CORO7: variants seen among roughly 807,000 people sequenced by gnomAD.
CORO7 encodes coronin 7.
A neutral mutation model predicts 126.6 loss-of-function variants in CORO7; 107 were observed. The ratio of observed to expected loss-of-function variants is 0.85; its 90% CI spans 0.72 to 0.99. The LOEUF (loss-of-function observed/expected upper bound fraction) is 0.99. Ranked by LOEUF, CORO7 falls within the 50% of genes least tolerant of loss-of-function variation. The pLI is 0.00. For synonymous variants in CORO7, 603 were observed against 536.8 expected (o/e 1.12, Z -1.70); for missense variants, 1,314 against 1,255.8 (o/e 1.05, Z -0.70).
intron 5 of CORO7, among the ~76,000 whole-genome samples, chr16:4,406,852 G>A (rs961726093): frequency 6.6e-6 from 1 of 151,364 alleles, no homozygotes; most frequent in East Asian, 2.0e-4. Flanking sequence ...TGTTGGCCAG[G>A]CTAGTCTCGA....
At chr16:4,385,173 A>T (rs2055153028) in intron 9 of CORO7, among the ~76,000 whole-genome samples, 1 of 152,146 alleles carries the variant, frequency 6.6e-6, no homozygotes, top group Non-Finnish European at 1.5e-5. Context: ...AGCCCCCATC[A>T]CCAGGTGCTG....
At chr16:4,376,892 C>T (rs78182170) in intron 9 of CORO7, among the ~76,000 whole-genome samples, 1 of 152,328 alleles carries the variant, frequency 6.6e-6, no homozygotes, top group East Asian at 1.9e-4. Context: ...TGGCCTGAAA[C>T]CCTCTCCCTT....
intron 9 of CORO7, among the ~76,000 whole-genome samples, chr16:4,371,509 C>A (rs1330888940): frequency 1.3e-5 from 2 of 152,234 alleles, no homozygotes; most frequent in Non-Finnish European, 2.9e-5. Context: ...TCCAGGGCCG[C>A]AGAGGCCCTG....
At chr16:4,387,371 G>A (rs954146950) in intron 9 of CORO7, among the ~76,000 whole-genome samples, 14 of 152,184 alleles carry the variant, frequency 9.2e-5, no homozygotes, top group Admixed American at 7.2e-4. Context: ...ACACACTTCT[G>A]GGGGCAGATG....
intron 23 of CORO7, chr16:4,358,861 CTGAG>C (rs1448657024): frequency 7.2e-6 from 2 of 278,396 alleles, no homozygotes; most frequent in Non-Finnish European, 1.3e-5. Flanking sequence ...AAGTGATAAA[CTGAG>C]TGTTTATTAC....
At chr16:4,387,689 C>T in intron 9 of CORO7, 1 of 503,110 alleles carries the variant, frequency 2.0e-6, no homozygotes, top group Non-Finnish European at 3.6e-6. Context: ...TGGATCACAC[C>T]CTCTCCCTGA....
chr16:4,359,563 C>A lies in CORO7; in HGVS notation c.2167G>T (p.Ala723Ser). Residue 723 changes from alanine (A) to serine (S), a missense_variant, in exon 22 of 28, where the codon GCA (alanine) becomes TCA (serine). Coordinates refer to ENST00000251166, the MANE Select transcript of CORO7 (RefSeq NM_024535.5). Reference protein sequence around the residue: ...EAEALAGGPLAVLGLDVAPST... With the variant: ...EAEALAGGPLSVLGLDVAPST... ...GGAGCCACGTCCAGGCCCAACACTGCCAAGGGTCCGCCGGCCAGGGCCTCA... is the reference window on the plus strand; with the variant it reads ...GGAGCCACGTCCAGGCCCAACACTGACAAGGGTCCGCCGGCCAGGGCCTCA... The A allele has an allele frequency of 6.2e-7, 1 of 1,612,600 alleles. No individual in the cohort carries two copies. Among genetic ancestry groups the A allele is most frequent in the Non-Finnish European group, 8.5e-7 (1 of 1,179,396 alleles).
In CORO7 at chr16:4,388,080, G is replaced by A. The variant is rs1318657363; in HGVS notation, c.703-12C>T. The A allele has an allele frequency of 6.2e-7, 1 of 1,608,658 alleles. No homozygotes were observed. Among genetic ancestry groups the A allele is most frequent in the Non-Finnish European group, 8.5e-7 (1 of 1,178,018 alleles). ...TCGCGCTCACGCATCTGCAGGGAGGGCGAGAGAGGGGCTCAGAGGGGCCTG... is the reference window on the plus strand; with the variant it reads ...TCGCGCTCACGCATCTGCAGGGAGGACGAGAGAGGGGCTCAGAGGGGCCTG... On this transcript the variant is annotated splice_polypyrimidine_tract_variant and intron_variant, in intron 8 of 27. Coordinates refer to ENST00000251166, the MANE Select transcript of CORO7 (RefSeq NM_024535.5).
At chr16:4,396,326 G>A (rs922960966) in intron 6 of CORO7, among the ~76,000 whole-genome samples, 3 of 152,120 alleles carry the variant, frequency 2.0e-5, no homozygotes, top group Admixed American at 2.0e-4. Context: ...TGATCCGCCC[G>A]CCTCGGCCTC....
At chr16:4,406,070 G>A (rs1284202481) in intron 5 of CORO7, among the ~76,000 whole-genome samples, 1 of 152,162 alleles carries the variant, frequency 6.6e-6, no homozygotes, top group Non-Finnish European at 1.5e-5. Flanking sequence ...TGCAATCTCA[G>A]CTCACTGCAA....
chr16:4,395,996 T>TGTGTGTGTC, intron 6 of CORO7, among the ~76,000 whole-genome samples: 1 of 151,228 alleles, frequency 6.6e-6, no homozygotes, highest in African/African-American at 2.4e-5. Flanking sequence ...CATGCACACG[T>TGTGTGTGTC]TGTGTGTGTG....
chr16:4,384,207 G>A (rs1264105752), intron 9 of CORO7, among the ~76,000 whole-genome samples: 1 of 152,272 alleles, frequency 6.6e-6, no homozygotes, highest in Non-Finnish European at 1.5e-5. Context: ...TTGGCTTGCA[G>A]ACGGTGCCAG....
chr16:4,369,233 C>A (rs147427804), intron 9 of CORO7, among the ~76,000 whole-genome samples: 1 of 152,246 alleles, frequency 6.6e-6, no homozygotes, highest in African/African-American at 2.4e-5. Context: ...TCCTGTCTGC[C>A]GTGGCACGGG....
chr16:4,400,757 T>C lies in CORO7; in HGVS notation c.564+4734A>G, dbSNP rs144963471. Reference sequence around the variant, plus strand: ...ATCACTTGAACCCAGAAGGCGGAGATTGCAGTGAGCTGAGATCGTGCCAAT... The same window carrying C: ...ATCACTTGAACCCAGAAGGCGGAGACTGCAGTGAGCTGAGATCGTGCCAAT... On this transcript the variant is annotated intron_variant, in intron 6 of 27. Transcript: ENST00000251166. 6.8e-3 allele frequency among the ~76,000 whole-genome samples: 1,019 copies of C among 150,598 alleles called. 13 individuals are homozygous for C. Among genetic ancestry groups the C allele is most frequent in the African/African-American group, 0.022 (891 of 41,030 alleles).
At chr16:4,390,465 C>T (rs768352227) in intron 7 of CORO7, among the ~76,000 whole-genome samples, 1 of 152,198 alleles carries the variant, frequency 6.6e-6, no homozygotes, top group Non-Finnish European at 1.5e-5. Context: ...GAGGGAAGAC[C>T]TAGCGTCATT....
chr16:4,357,516 C>A (rs2054016228), intron 25 of CORO7: 3 of 421,554 alleles, frequency 7.1e-6, no homozygotes, highest in Middle Eastern at 6.3e-4. Flanking sequence ...CCCACCACGC[C>A]AGGCTAATTT....
chr16:4,364,208 G>T, intron 14 of CORO7, 68 bp downstream of exon 14: 2 of 1,438,518 alleles, frequency 1.4e-6, no homozygotes, highest in South Asian at 1.6e-5. Flanking sequence ...AGGCCGTTCA[G>T]CCGGTGAACA....
Position 4,403,590 on chromosome 16 carries a change from AG to A in CORO7, c.564+1900del, listed in dbSNP as rs1473495145. On this transcript the variant is annotated intron_variant, in intron 6 of 27. Transcript: ENST00000251166. ...GGGAAAACACATCCACTGGGGAAGC[AG>A]CAGGAGCTCCTCCGTCTGTGACTCC... Among the ~76,000 whole-genome samples, 3 of 152,304 alleles carry A rather than the reference AG, an allele frequency of 2.0e-5. No individual in the cohort carries two copies. In the East Asian group the frequency reaches 5.8e-4, roughly 29 times the overall value.
intron 9 of CORO7, among the ~76,000 whole-genome samples, chr16:4,377,613 C>T (rs1249375455): frequency 6.6e-6 from 1 of 152,188 alleles, no homozygotes; most frequent in Non-Finnish European, 1.5e-5. Flanking sequence ...CTGTCCCCTG[C>T]CACCGTCCCC....
Sources: allele counts gnomAD v4.1 joint callset (sites outside exome capture counted in the v4.1 genomes callset), GRCh38; gene constraint gnomAD v4.1.1; transcripts MANE v1.5; gene names NCBI Gene and HGNC (gene_info 2026-07-23, HGNC 2026-07-21).